GIPC1: variants seen among roughly 807,000 people sequenced by gnomAD.
GIPC1 encodes GIPC PDZ domain containing family member 1.
A neutral mutation model predicts 28.5 loss-of-function variants in GIPC1; 15 were observed. That is an observed-to-expected ratio of 0.53 (90% CI 0.35 to 0.81). GIPC1 has a LOEUF of 0.81. Among genes scored for constraint, GIPC1 ranks in the 30% least tolerant of loss-of-function variants. The probability of loss-of-function intolerance (pLI) is 0.01; values close to 1 mark genes in which losing one functional copy is unlikely to be tolerated. For synonymous variants in GIPC1, 224 were observed against 206.1 expected, an observed-to-expected ratio of 1.09 and a Z score of -0.74; for missense variants, 439 against 481.9, an observed-to-expected ratio of 0.91 and a Z score of 0.83.
intron 3 of GIPC1, among the ~76,000 whole-genome samples, chr19:14,490,367 A>G (rs2071941816): frequency 6.6e-6 from 1 of 150,848 alleles, no homozygotes; most frequent in East Asian, 1.9e-4. Context: ...CTCAGTCTCA[A>G]AAAGAAAAAA....
rs148631949 is a variant in GIPC1, at chr19:14,480,642, G to A, written c.425C>T (p.Ala142Val). ...GTTGTCCGTGATGGTGAGCCCGAGTGCATCCTCCGACTTGAACACCTCCAC... is the reference window on the plus strand; with the variant it reads ...GTTGTCCGTGATGGTGAGCCCGAGTACATCCTCCGACTTGAACACCTCCAC... Reference protein sequence around the residue: ...KEVEVFKSEDALGLTITDNGA... With the variant: ...KEVEVFKSEDVLGLTITDNGA... The change falls in exon 5 of 9, where the codon GCA becomes GTA. Residue 142 changes from alanine (A) to valine (V), a missense_variant. Ala to Val is a moderately conservative substitution (Grantham distance 64). Coordinates refer to ENST00000393033, the MANE Select transcript of GIPC1 (RefSeq NM_005716.4). 1 of 1,614,184 alleles carries A rather than the reference G, an allele frequency of 6.2e-7. No homozygotes were observed. The highest frequency in any genetic ancestry group is 2.2e-5 in the East Asian group (1 of 44,876).
At chr19:14,485,698 TATATAGAGAGAGAGAGAGAG>T (rs769519432) in intron 3 of GIPC1, among the ~76,000 whole-genome samples, 4,973 of 85,066 alleles carry the variant, frequency 0.058, 270 homozygotes, top group African/African-American at 0.15. Context: ...TATATATATA[TATATAGAGAGAGAGAGAGAG>T]AGAGAGAGAG....
chr19:14,484,129 C>CTTTTT (rs56178535), intron 3 of GIPC1, among the ~76,000 whole-genome samples: 1 of 108,546 alleles, frequency 9.2e-6, no homozygotes, highest in Non-Finnish European at 1.9e-5. Context: ...GACCCTGACT[C>CTTTTT]TTTTTTTTTT....
chr19:14,485,856 C>T (rs1485584511), intron 3 of GIPC1, among the ~76,000 whole-genome samples: 1 of 151,532 alleles, frequency 6.6e-6, no homozygotes, highest in Non-Finnish European at 1.5e-5. Context: ...CTGCAAGCTC[C>T]ACCTCCAGGG....
Position 14,482,683 on chromosome 19 carries a change from G to A in GIPC1, c.288+6C>T. On this transcript the variant is annotated splice_donor_region_variant and intron_variant, in intron 4 of 8. Transcript: ENST00000393033. ...GGACCCTGGTGCCCGGCTCCCCAGT[G>A]GATACCTCGGCAGTTGGCAGGCGGA... 1 of 1,611,032 alleles carries A rather than the reference G, an allele frequency of 6.2e-7. No individual in the cohort carries two copies. Among genetic ancestry groups the A allele is most frequent in the East Asian group, 2.2e-5 (1 of 44,882 alleles).
chr19:14,489,114 G>A (rs766708293), intron 3 of GIPC1, among the ~76,000 whole-genome samples: 25 of 151,980 alleles, frequency 1.6e-4, no homozygotes, highest in Non-Finnish European at 3.7e-4. Flanking sequence ...TGTAGAGACG[G>A]GTCTCACTAC....
At position 14,480,016 on chromosome 19, in the gene GIPC1, G is replaced by A. The variant is rs1171130045; in HGVS notation, c.655+289C>T. The A allele has an allele frequency of 1.6e-5, 9 of 563,954 alleles. No individual in the cohort carries two copies. In the Admixed American group the frequency reaches 2.8e-4, roughly 18 times the overall value. The allele number at this position is 563,954 out of a possible 1,614,324, so 34.9% of individuals were successfully genotyped here. A position where few individuals can be genotyped will look rare whatever the true frequency, so the allele number is the denominator to read the frequency against. ...GGCTGGCACTGAGCAGTCAAGCCTG[G>A]CCTGTTGGGGATAGGGGGCTGGCCA... On this transcript the variant is annotated intron_variant, in intron 6 of 8. Transcript: ENST00000393033.
chr19:14,484,446 G>A (rs1053288630), intron 3 of GIPC1, among the ~76,000 whole-genome samples: 2 of 150,826 alleles, frequency 1.3e-5, no homozygotes, highest in Non-Finnish European at 1.5e-5. Flanking sequence ...CTCAGCTGAC[G>A]TTTTAAAACT....
intron 3 of GIPC1, 42 bp from the exon 4 acceptor site, chr19:14,483,048 T>G: frequency 7.1e-7 from 1 of 1,410,444 alleles, no homozygotes; most frequent in Non-Finnish European, 9.7e-7. Flanking sequence ...GGCAGAGGCC[T>G]TGGGTGCCCC....
In GIPC1 at chr19:14,490,405, C is replaced by T. The variant is rs151076242; in HGVS notation, c.-31+1251G>A. On this transcript the variant is annotated intron_variant, in intron 3 of 8. Transcript: ENST00000393033. ...GAAAATACATTAGTTAGGCCAGGAA[C>T]GGTGGTTCACGCCTGTAATCCCAGC... is the stretch of plus-strand genomic sequence containing the variant. 1.8e-3 allele frequency among the ~76,000 whole-genome samples: 266 copies of T among 151,550 alleles called. 3 individuals are homozygous for T. Among genetic ancestry groups the T allele is most frequent in the African/African-American group, 6.1e-3 (250 of 41,288 alleles).
At chr19:14,479,615 C>T (rs1033528310) in intron 6 of GIPC1, 91 bp from the exon 7 acceptor site, 2 of 611,484 alleles carry the variant, frequency 3.3e-6, no homozygotes, top group Non-Finnish European at 5.3e-6. Flanking sequence ...TTCACCACCA[C>T]CCCAAACTTC....
chr19:14,481,391 G>A (rs2071725638), intron 4 of GIPC1, among the ~76,000 whole-genome samples: 12 of 152,154 alleles, frequency 7.9e-5, no homozygotes, highest in Admixed American at 7.9e-4. Flanking sequence ...CTATAGGTGT[G>A]CACCACTGTA....
chr19:14,482,288 A>C (rs1022751954), intron 4 of GIPC1: 5 of 278,868 alleles, frequency 1.8e-5, no homozygotes, highest in Admixed American at 1.5e-4. Context: ...CCCACAGTCC[A>C]TTGGAGCTCA....
At position 14,480,729 on chromosome 19, in the gene GIPC1, A is replaced by G. The variant is rs1258109731; in HGVS notation, c.338T>C (p.Leu113Pro). ...NTHKVDMDKLLGGQIGLEDFI... is the reference protein window; with the variant it reads ...NTHKVDMDKLPGGQIGLEDFI... ...GTCCTCCAGCCCGATCTGGCCCCCCAGGAGCTTGTCCATGTCCACTTTGTG... is the reference window on the plus strand; with the variant it reads ...GTCCTCCAGCCCGATCTGGCCCCCCGGGAGCTTGTCCATGTCCACTTTGTG... Residue 113 changes from leucine (L) to proline (P), a missense_variant, in exon 5 of 9, where the codon CTG becomes CCG. Physicochemically the swap from Leu to Pro is moderately conservative, Grantham distance 98 (BLOSUM62 -3). Transcript: ENST00000393033. The G allele has an allele frequency of 5.6e-6, 9 of 1,613,904 alleles. No homozygotes were observed. Among genetic ancestry groups the G allele is most frequent in the Non-Finnish European group, 7.6e-6 (9 of 1,179,782 alleles).
At chr19:14,489,365 TG>T in intron 3 of GIPC1, 1 of 783,170 alleles carries the variant, frequency 1.3e-6, no homozygotes, top group Non-Finnish European at 2.4e-6. Context: ...CCAAGGCATC[TG>T]TGAGCCCATG....
chr19:14,480,536 G>T, intron 5 of GIPC1, 51 bp from the exon 6 acceptor site: 1 of 1,604,328 alleles, frequency 6.2e-7, no homozygotes, highest in Non-Finnish European at 8.5e-7. Flanking sequence ...TGGTTTCCGG[G>T]GTCCCATGGC....
chr19:14,490,389 T>C (rs2071942400), intron 3 of GIPC1, among the ~76,000 whole-genome samples: 1 of 141,630 alleles, frequency 7.1e-6, no homozygotes, highest in Non-Finnish European at 1.5e-5. Context: ...AGAAAATACA[T>C]TAGTTAGGCC....
At chr19:14,485,702 T>TATATATAGAGAGAGAGAG (rs1300117748) in intron 3 of GIPC1, among the ~76,000 whole-genome samples, 3 of 58,794 alleles carry the variant, frequency 5.1e-5, no homozygotes, top group Non-Finnish European at 1.1e-4. Context: ...TATATATATA[T>TATATATAGAGAGAGAGAG]AGAGAGAGAG....
chr19:14,487,815 C>T (rs1015279030), intron 3 of GIPC1, among the ~76,000 whole-genome samples: 4 of 148,000 alleles, frequency 2.7e-5, no homozygotes, highest in Non-Finnish European at 6.0e-5. Context: ...TAGCTGGGAC[C>T]ACAGGTGCTT....
Sources: allele counts gnomAD v4.1 joint callset (sites outside exome capture counted in the v4.1 genomes callset), GRCh38; gene constraint gnomAD v4.1.1; transcripts MANE v1.5; gene names NCBI Gene and HGNC (gene_info 2026-07-23, HGNC 2026-07-21).